The following BAZ2A variants were observed in gnomAD, a reference collection of about 807,000 sequenced individuals.
BAZ2A encodes the protein bromodomain adjacent to zinc finger domain 2A, also known as bromodomain adjacent to zinc finger domain protein 2A.
Under a neutral mutation model 199.9 loss-of-function variants are expected in BAZ2A, and 34 were observed. The observed-to-expected ratio is 0.17, with a 90% CI of 0.13 to 0.23. The LOEUF (loss-of-function observed/expected upper bound fraction) is 0.23. BAZ2A is among the 10% of genes least tolerant of loss of function. The probability of loss-of-function intolerance (pLI) is 1.00; values close to 1 mark genes in which losing one functional copy is unlikely to be tolerated. For synonymous variants in BAZ2A, 857 were observed against 883.9 expected (o/e 0.97, Z 0.54); for missense variants, 2,002 against 2,391.1 (o/e 0.84, Z 3.39).
rs943894849 is a variant in BAZ2A, at chr12:56,603,424, G to A, written c.3220-6C>T. 4 of 1,613,840 alleles carry A rather than the reference G, an allele frequency of 2.5e-6. No individual in the cohort carries two copies. The highest frequency in any genetic ancestry group is 3.4e-6 in the Non-Finnish European group (4 of 1,179,878). Reference sequence around the variant, plus strand: ...CTAGATGCTGTGGCATCAACCTAGGGAGAAACACATGGGCATTATGAAAAA... The same window carrying A: ...CTAGATGCTGTGGCATCAACCTAGGAAGAAACACATGGGCATTATGAAAAA... On this transcript the variant is annotated splice_region_variant and splice_polypyrimidine_tract_variant and intron_variant, in intron 17 of 28. Coordinates refer to ENST00000549884, the MANE Select transcript of BAZ2A (RefSeq NM_001300905.2).
intron 7 of BAZ2A, 178 bp downstream of exon 7, chr12:56,611,395 A>G (rs1278655793): frequency 1.2e-5 from 8 of 661,934 alleles, no homozygotes; most frequent in Admixed American, 6.2e-5. Context: ...TTGAGAGAAG[A>G]AGGAAAACCT....
At chr12:56,611,427 A>G (rs1238393402) in intron 7 of BAZ2A, 146 bp downstream of exon 7, 3 of 766,718 alleles carry the variant, frequency 3.9e-6, no homozygotes, top group Non-Finnish European at 6.5e-6. Context: ...GCCAAGAAAC[A>G]TTATCACTGC....
In BAZ2A at chr12:56,599,031, G is replaced by C. The variant is rs537536959; in HGVS notation, c.5403-20C>G. The C allele has an allele frequency of 1.2e-6, 2 of 1,609,180 alleles. No individual in the cohort carries two copies. The highest frequency in any genetic ancestry group is 2.2e-5 in the South Asian group (2 of 90,068). ...ATAATCCTATCATTAGAGGGACAAT[G>C]ATGGCTCCATCTCAGGAAGCAAATA... On this transcript the variant is annotated intron_variant, in intron 27 of 28. Coordinates refer to ENST00000549884, the MANE Select transcript of BAZ2A (RefSeq NM_001300905.2).
Position 56,613,198 on chromosome 12 carries a change from T to A in BAZ2A, c.952A>T (p.Thr318Ser). ...VSGGLYGIDD[T>S]ELMGAEDKLP... ...TTGTCCTCTGCACCCATCAGCTCCG[T>A]GTCATCAATACCATATAGTCCTCCA... is the stretch of plus-strand genomic sequence containing the variant. Residue 318 changes from threonine (T) to serine (S), a missense_variant, in exon 5 of 29, where the codon ACG (threonine) becomes TCG (serine). Around this residue, in one of 6 missense-constraint regions of BAZ2A, gnomAD observed 641 missense variants for 694.5 expected, o/e 0.92. Transcript: ENST00000549884. 7 of 1,613,988 alleles carry A rather than the reference T, an allele frequency of 4.3e-6. No individual in the cohort carries two copies. The highest frequency in any genetic ancestry group is 5.1e-6 in the Non-Finnish European group (6 of 1,179,890).
rs1950252028 is a variant in BAZ2A, at chr12:56,603,704, G to A, written c.3039-4C>T. 1 of 1,613,704 alleles carries A rather than the reference G, an allele frequency of 6.2e-7. No individual in the cohort carries two copies. The highest frequency in any genetic ancestry group is 8.5e-7 in the Non-Finnish European group (1 of 1,179,782). On this transcript the variant is annotated splice_region_variant and splice_polypyrimidine_tract_variant and intron_variant, in intron 16 of 28. Coordinates refer to ENST00000549884, the MANE Select transcript of BAZ2A (RefSeq NM_001300905.2). ...CTTGGCCAGAACAGTTTTCAGCCTT[G>A]AAATAGATGGAGAAAGATTAAGGGA...
In BAZ2A at chr12:56,617,428, C is replaced by T. The variant is rs953950184; in HGVS notation, c.103G>A (p.Gly35Arg). The T allele has an allele frequency of 8.1e-6, 13 of 1,604,332 alleles. No homozygotes were observed. Among genetic ancestry groups the T allele is most frequent in the African/African-American group, 8.0e-5 (6 of 74,638 alleles). The part of the protein sequence containing the change: ...PSSGEGLYTN[G>R]SPMNFPQQGK... Reference sequence around the variant, plus strand: ...TGCTGGGGGAAGTTCATGGGAGACCCGTTAGTGTAGAGGCCCTCCCCTGAG... The same window carrying T: ...TGCTGGGGGAAGTTCATGGGAGACCTGTTAGTGTAGAGGCCCTCCCCTGAG... Residue 35 changes from glycine to arginine, a missense_variant, in exon 2 of 29, where the codon GGG (glycine) becomes AGG (arginine). This residue lies in a region of BAZ2A where 641 missense variants were observed against 694.5 expected (regional missense o/e 0.92). Transcript: ENST00000549884.
rs1384321859 is a variant in BAZ2A at position 56,600,950 on chromosome 12, G to A, written c.4443C>T (p.Pro1481=). 7 of 1,613,688 alleles carry A rather than the reference G, an allele frequency of 4.3e-6. No individual in the cohort carries two copies. The highest frequency in any genetic ancestry group is 5.1e-6 in the Non-Finnish European group (6 of 1,179,784). ...RDFLQEVCLR[P]SADPIFEPRQ... is the part of the protein sequence containing the mutation. ...GTGTAGGAATGTATTTACCAGCTGA[G>A]GGCCGCAGGCAGACTTCCTGCAAGA... Residue 1481 remains proline, a synonymous_variant, in exon 22 of 29, where the codon CCC becomes CCT. Coordinates refer to ENST00000549884, the MANE Select transcript of BAZ2A (RefSeq NM_001300905.2).
rs541800501 is a variant in BAZ2A, at chr12:56,598,657, G to C, written c.5673C>G (p.Arg1891=). 6.2e-7 allele frequency: 1 copy of C among 1,613,750 alleles called. No individual in the cohort carries two copies. Among genetic ancestry groups the C allele is most frequent in the Non-Finnish European group, 8.5e-7 (1 of 1,179,862 alleles). Residue 1891 remains arginine (R), a synonymous_variant, in exon 29 of 29, where the codon CGC becomes CGG. Coordinates refer to ENST00000549884, the MANE Select transcript of BAZ2A (RefSeq NM_001300905.2). Reference sequence around the variant, plus strand: ...GTTTTCCCTGATAAAACTCCTCCCAGCGGCTCTCGAAGAAGCGGCGCATGA... The same window carrying C: ...GTTTTCCCTGATAAAACTCCTCCCACCGGCTCTCGAAGAAGCGGCGCATGA... ...GHIMRRFFES[R]WEEFYQGKQA...
Position 56,598,745 on chromosome 12 carries a change from A to G in BAZ2A, c.5585T>C (p.Leu1862Pro). Reference sequence around the variant, plus strand: ...GAAAGTCTGGCAGTTGTCAAATACCAGGAGGGCATCAGCCGCAAACTCCTC... The same window carrying G: ...GAAAGTCTGGCAGTTGTCAAATACCGGGAGGGCATCAGCCGCAAACTCCTC... ...SSEEFAADAL[L>P]VFDNCQTFNE... Residue 1862 changes from leucine to proline, a missense_variant, in exon 29 of 29, where the codon CTG becomes CCG. Physicochemically the swap from Leu to Pro is moderately conservative, Grantham distance 98. Transcript: ENST00000549884. 1 of 1,613,052 alleles carries G rather than the reference A, an allele frequency of 6.2e-7. No individual in the cohort carries two copies. Among genetic ancestry groups the G allele is most frequent in the Non-Finnish European group, 8.5e-7 (1 of 1,179,498 alleles).
rs779746163 is a variant in BAZ2A at position 56,601,320 on chromosome 12, C to A, written c.4154G>T (p.Arg1385Leu). The A allele has an allele frequency of 5.6e-6, 9 of 1,613,916 alleles. No homozygotes were observed. The highest frequency in any genetic ancestry group is 1.6e-4 in the Middle Eastern group (1 of 6,084). ...TGGCATTTCTCCAGGGTCTCCTGCTCGCCTCTTAGGGGCCAACCCAGCCAA... is the reference window on the plus strand; with the variant it reads ...TGGCATTTCTCCAGGGTCTCCTGCTAGCCTCTTAGGGGCCAACCCAGCCAA... ...TPLAGLAPKR[R>L]AGDPGEMPQS... The change falls in exon 21 of 29, where the codon CGA (arginine) becomes CTA (leucine). Residue 1385 changes from arginine (R) to leucine (L), a missense_variant. Physicochemically the swap from Arg to Leu is moderately radical, Grantham distance 102. This residue lies in a region of BAZ2A where 1,081 missense variants were observed against 1,274.7 expected (regional missense o/e 0.85). Coordinates refer to ENST00000549884, the MANE Select transcript of BAZ2A (RefSeq NM_001300905.2).
intron 5 of BAZ2A, 130 bp from the exon 6 acceptor site, chr12:56,612,376 AAAG>A (rs765098822): frequency 9.2e-6 from 7 of 764,704 alleles, no homozygotes; most frequent in South Asian, 5.8e-5. Context: ...AGGGTTGGAA[AAAG>A]AAGTAGCTTT....
At chr12:56,623,783 CA>C (rs1485624634) in intron 1 of BAZ2A, among the ~76,000 whole-genome samples, 2 of 152,134 alleles carry the variant, frequency 1.3e-5, no homozygotes, top group African/African-American at 4.8e-5. Context: ...TTATCTGGCC[CA>C]CGTTATCAAT....
upstream of BAZ2A, chr12:56,636,441 G>A (rs944248720): frequency 8.0e-7 from 1 of 1,254,948 alleles, no homozygotes; most frequent in Non-Finnish European, 1.0e-6. Flanking sequence ...GAGGAGGCGA[G>A]GACAGGGCAG....
intron 1 of BAZ2A, among the ~76,000 whole-genome samples, chr12:56,618,625 G>T (rs1286647117): frequency 6.6e-6 from 1 of 152,110 alleles, no homozygotes; most frequent in African/African-American, 2.4e-5. Context: ...AAAAAGAGAA[G>T]AATTCAGGCC....
chr12:56,630,271 G>C lies in BAZ2A; in HGVS notation c.-149C>G. The C allele has an allele frequency of 1.0e-6, 1 of 983,756 alleles. No homozygotes were observed. Among genetic ancestry groups the C allele is most frequent in the South Asian group, 4.7e-5 (1 of 21,264 alleles). The allele number at this position is 983,756 out of a possible 1,614,324, so 60.9% of individuals were successfully genotyped here. The stretch of plus-strand genomic sequence containing the variant: ...TCCGGGGTTCGGGAAGGGGGAGGGG[G>C]ACGCGGCTCAACCGCGGGGCCCGAG... On this transcript the variant is annotated 5_prime_UTR_variant, in exon 1 of 29. Transcript: ENST00000549884.
chr12:56,614,294 C>G, intron 3 of BAZ2A, 156 bp from the exon 4 acceptor site: 4 of 721,696 alleles, frequency 5.5e-6, no homozygotes, highest in Non-Finnish European at 9.0e-6. Context: ...TCAAGATACT[C>G]TGAGCAGAGA....
intron 10 of BAZ2A, 38 bp downstream of exon 10, chr12:56,609,698 G>A (rs768405021): frequency 1.3e-6 from 2 of 1,582,600 alleles, no homozygotes; most frequent in Non-Finnish European, 1.7e-6. Context: ...ATACCTCATG[G>A]AGGGAGCAGA....
intron 7 of BAZ2A, 65 bp downstream of exon 7, chr12:56,611,508 C>T: frequency 6.6e-7 from 1 of 1,518,332 alleles, no homozygotes; most frequent in Non-Finnish European, 9.1e-7. Context: ...GAGGCATTCC[C>T]TTCTTTCTAG....
At chr12:56,637,693 G>A (rs902085398), upstream of BAZ2A, among the ~76,000 whole-genome samples, 1 of 151,098 alleles carries the variant, frequency 6.6e-6, no homozygotes, top group Non-Finnish European at 1.5e-5. Flanking sequence ...TTTCTAAAAC[G>A]AGTTTTTCCC....
Sources: gnomAD v4.1 joint callset for allele counts (sites outside exome capture counted in the v4.1 genomes callset) on GRCh38, gnomAD v4.1.1 for gene constraint, gnomAD v4.1.1 regional missense constraint, MANE v1.5 for transcripts, NCBI Gene and HGNC (gene_info 2026-07-23, HGNC 2026-07-21) for gene names.